THSD7B: variants seen among roughly 807,000 people sequenced by gnomAD.
The protein encoded by THSD7B is thrombospondin type 1 domain containing 7B.
A neutral mutation model predicts 213.6 loss-of-function variants in THSD7B; 138 were observed. The ratio of observed to expected loss-of-function variants is 0.65; its 90% confidence interval spans 0.56 to 0.74. The LOEUF (loss-of-function observed/expected upper bound fraction) is 0.74, where lower values mean the gene tolerates loss of function less well. THSD7B is among the 30% of genes least tolerant of loss of function. THSD7B has a pLI of 0.00. For missense variants in THSD7B, 1,931 were observed against 1,991.5 expected (o/e 0.97, Z 0.58); for synonymous variants, 742 against 687.0 (o/e 1.08, Z -1.25).
intron 12 of THSD7B, among the ~76,000 whole-genome samples, chr2:137,329,537 C>A (rs988875396): frequency 1.3e-5 from 2 of 152,026 alleles, no homozygotes; most frequent in African/African-American, 4.8e-5. Flanking sequence ...AATTAATTTT[C>A]TGTATTTTCA....
intron 12 of THSD7B, among the ~76,000 whole-genome samples, chr2:137,361,118 A>C (rs1685246927): frequency 6.6e-6 from 1 of 152,196 alleles, no homozygotes; most frequent in Non-Finnish European, 1.5e-5. Context: ...GCAAACTCCA[A>C]CAGACCTGTA....
At chr2:137,065,914 C>G (rs1181217310) in intron 3 of THSD7B, among the ~76,000 whole-genome samples, 1 of 151,864 alleles carries the variant, frequency 6.6e-6, no homozygotes, top group African/African-American at 2.4e-5. Flanking sequence ...TACATTGTTG[C>G]TATTATTTGA....
chr2:137,404,468 T>TACAC (rs1433746813), intron 12 of THSD7B, among the ~76,000 whole-genome samples: 55 of 73,106 alleles, frequency 7.5e-4, no homozygotes, highest in East Asian at 1.4e-3. Context: ...TATATATATA[T>TACAC]ATATATACAC....
chr2:136,966,701 C>T (rs923273344), intron 2 of THSD7B, among the ~76,000 whole-genome samples: 23 of 152,242 alleles, frequency 1.5e-4, no homozygotes, highest in African/African-American at 5.5e-4. Context: ...AAAAATCTGG[C>T]ATCATCCTCT....
At chr2:137,211,963 C>T (rs999893872) in intron 7 of THSD7B, among the ~76,000 whole-genome samples, 4 of 151,928 alleles carry the variant, frequency 2.6e-5, no homozygotes, top group Non-Finnish European at 4.4e-5. Flanking sequence ...AAAAGAGGAA[C>T]AGATTCTACC....
intron 2 of THSD7B, among the ~76,000 whole-genome samples, chr2:137,001,569 A>G (rs901191118): frequency 6.6e-6 from 1 of 152,132 alleles, no homozygotes; most frequent in Admixed American, 6.6e-5. Flanking sequence ...CAACAATTTT[A>G]TTTCCAGTTC....
chr2:137,214,316 G>C (rs1681185275), intron 7 of THSD7B, among the ~76,000 whole-genome samples: 1 of 152,046 alleles, frequency 6.6e-6, no homozygotes, highest in Non-Finnish European at 1.5e-5. Context: ...CCTTTAACAA[G>C]TGGAAATTGA....
chr2:137,179,216 TC>T (rs1167901580), intron 7 of THSD7B, among the ~76,000 whole-genome samples: 1 of 152,104 alleles, frequency 6.6e-6, no homozygotes, highest in Non-Finnish European at 1.5e-5. Flanking sequence ...CTTTTCATCT[TC>T]CCCCCAGACA....
intron 15 of THSD7B, among the ~76,000 whole-genome samples, chr2:137,512,494 G>C (rs1415756518): frequency 1.4e-5 from 2 of 147,020 alleles, no homozygotes; most frequent in Non-Finnish European, 3.0e-5. Context: ...CAGGCTCAAG[G>C]GATCCTCCCA....
At chr2:136,979,226 T>C (rs1321316549) in intron 2 of THSD7B, among the ~76,000 whole-genome samples, 1 of 151,948 alleles carries the variant, frequency 6.6e-6, no homozygotes, top group African/African-American at 2.4e-5. Flanking sequence ...CCTTAACATT[T>C]TTTTTTTTAT....
intron 20 of THSD7B, among the ~76,000 whole-genome samples, chr2:137,640,500 G>A (rs867130503): frequency 1.1e-4 from 16 of 152,284 alleles, no homozygotes; most frequent in Middle Eastern, 3.4e-3. Context: ...TCTTGCTCAT[G>A]TCTACCCAGC....
At chr2:136,816,216 T>C (rs910742032) in intron 1 of THSD7B, among the ~76,000 whole-genome samples, 11 of 152,176 alleles carry the variant, frequency 7.2e-5, no homozygotes, top group African/African-American at 1.9e-4. Flanking sequence ...TATTGGAACA[T>C]GAAGAAAGTG....
intron 9 of THSD7B, among the ~76,000 whole-genome samples, chr2:137,234,148 T>A (rs1363126255): frequency 2.6e-5 from 4 of 152,260 alleles, no homozygotes; most frequent in Non-Finnish European, 5.9e-5. Context: ...TTGATTCTGA[T>A]GCTCAGGAAG....
intron 2 of THSD7B, among the ~76,000 whole-genome samples, chr2:136,997,772 T>C (rs1320271037): frequency 6.6e-6 from 1 of 152,144 alleles, no homozygotes; most frequent in African/African-American, 2.4e-5. Context: ...CTGGTTGATT[T>C]ATGTCATGGA....
intron 15 of THSD7B, among the ~76,000 whole-genome samples, chr2:137,487,401 A>G (rs1369785920): frequency 7.3e-6 from 1 of 136,912 alleles, no homozygotes; most frequent in Non-Finnish European, 1.6e-5. Context: ...AAAAAAAAAG[A>G]ACTAGAAAAG....
rs116701569 is a variant in THSD7B at position 136,926,690 on chromosome 2, T to C, written c.139+44373T>C. Among the ~76,000 whole-genome samples, 956 of 105,668 alleles carry C rather than the reference T, an allele frequency of 9.0e-3. 11 individuals are homozygous for C. The highest frequency in any genetic ancestry group is 0.034 in the African/African-American group (911 of 26,692). 69.3% of individuals were successfully genotyped at this position (105,668 alleles called of 152,430 possible). On this transcript the variant is annotated intron_variant, in intron 2 of 27. Transcript: ENST00000409968. ...GCCTGGATGACAGAACGAGACCTTA[T>C]CTGAAAAAGAAAAAGAAAAAAAAAA...
At chr2:137,286,840 T>C (rs1683195013) in intron 12 of THSD7B, among the ~76,000 whole-genome samples, 1 of 152,140 alleles carries the variant, frequency 6.6e-6, no homozygotes, top group African/African-American at 2.4e-5. Context: ...AACTGTAGCC[T>C]AGCCCAGGTG....
At chr2:137,106,127 G>A (rs961099803) in intron 4 of THSD7B, among the ~76,000 whole-genome samples, 2 of 152,104 alleles carry the variant, frequency 1.3e-5, no homozygotes, top group Non-Finnish European at 2.9e-5. Context: ...GAGGAATCAC[G>A]CTACCTGACT....
intron 15 of THSD7B, among the ~76,000 whole-genome samples, chr2:137,473,689 C>T (rs1480095988): frequency 4.6e-5 from 7 of 152,268 alleles, no homozygotes; most frequent in Non-Finnish European, 7.4e-5. Context: ...AGTTCTGTGC[C>T]ACTCTTCAAT....
Sources: allele counts gnomAD v4.1 joint callset (sites outside exome capture counted in the v4.1 genomes callset), GRCh38; gene constraint gnomAD v4.1.1; transcripts MANE v1.5; gene names NCBI Gene and HGNC (gene_info 2026-07-23, HGNC 2026-07-21).